CCDC171: variants seen among roughly 807,000 people sequenced by gnomAD.
CCDC171 encodes coiled-coil domain containing 171, also known as coiled-coil domain-containing protein 171.
Under a neutral mutation model 168.2 loss-of-function variants are expected in CCDC171, and 177 were observed. The ratio of observed to expected loss-of-function variants is 1.05; its 90% CI spans 0.93 to 1.19. The LOEUF (loss-of-function observed/expected upper bound fraction) is 1.19. Among genes scored for constraint, CCDC171 ranks in the 50% most tolerant of loss-of-function variants. The pLI, the probability that CCDC171 is intolerant of heterozygous loss-of-function variation, is 0.00. For synonymous variants in CCDC171, 687 were observed against 540.8 expected (o/e 1.27, Z -3.75); for missense variants, 1,991 against 1,539.0 (o/e 1.29, Z -4.91).
intron 25 of CCDC171, among the ~76,000 whole-genome samples, chr9:15,921,231 A>G (rs1414937271): frequency 1.3e-5 from 2 of 151,710 alleles, no homozygotes; most frequent in South Asian, 2.1e-4. Flanking sequence ...AAGAGTTAGC[A>G]TTAAAACAAA....
chr9:16,058,135 A>G (rs1279116509), intron 1 of CCDC171, among the ~76,000 whole-genome samples: 1 of 152,094 alleles, frequency 6.6e-6, no homozygotes, highest in Non-Finnish European at 1.5e-5. Context: ...TATCCAAAAA[A>G]ATGAAGAGTA....
intron 23 of CCDC171, among the ~76,000 whole-genome samples, chr9:15,869,372 T>TC (rs2061930333): frequency 1.3e-5 from 2 of 151,974 alleles, no homozygotes; most frequent in Non-Finnish European, 2.9e-5. Context: ...TGCTTCCTCC[T>TC]ATCACTGGGT....
At chr9:15,765,806 T>G (rs1241387905) in intron 18 of CCDC171, among the ~76,000 whole-genome samples, 1 of 152,146 alleles carries the variant, frequency 6.6e-6, no homozygotes, top group Non-Finnish European at 1.5e-5. Context: ...AGCAAGGAAC[T>G]TGAAAGTATA....
chr9:15,774,336 C>G (rs1298030240), intron 18 of CCDC171, among the ~76,000 whole-genome samples: 2 of 145,854 alleles, frequency 1.4e-5, no homozygotes, highest in African/African-American at 5.0e-5. Context: ...ATGCAAGTAG[C>G]CAATAAGCAG....
chr9:15,658,282 A>G (rs2048082701), intron 8 of CCDC171, among the ~76,000 whole-genome samples: 1 of 152,214 alleles, frequency 6.6e-6, no homozygotes. Flanking sequence ...AAAGCAATGG[A>G]AAGCCACTGC....
chr9:15,595,584 T>A (rs1185110578), intron 6 of CCDC171, among the ~76,000 whole-genome samples: 2 of 152,230 alleles, frequency 1.3e-5, no homozygotes, highest in East Asian at 3.8e-4. Flanking sequence ...GTCTTTGCTA[T>A]TGTGAATAGT....
chr9:15,950,754 A>C (rs537665966), intron 25 of CCDC171, among the ~76,000 whole-genome samples: 1 of 152,044 alleles, frequency 6.6e-6, no homozygotes, highest in Non-Finnish European at 1.5e-5. Flanking sequence ...TAATGACAGG[A>C]TCAAATTCAC....
rs551343856 is a variant in CCDC171, at chr9:15,649,872, G to A, written c.823-7255G>A. On this transcript the variant is annotated intron_variant, in intron 7 of 25. Transcript: ENST00000380701. ...CTCAAGGATCTAAAACTAGAAATAC[G>A]GTTTGAGCCAGCCATCCCATTACTG... Among the ~76,000 whole-genome samples the A allele has an allele frequency of 7.9e-5, 12 of 152,256 alleles. No homozygotes were observed. The South Asian group carries it at 1.7e-3, about 21-fold the overall frequency.
chr9:16,054,069 G>A (rs961258595), intron 1 of CCDC171, among the ~76,000 whole-genome samples: 5 of 152,090 alleles, frequency 3.3e-5, no homozygotes, highest in South Asian at 2.1e-4. Context: ...CTTTTCTTCC[G>A]GGTTCAGCGC....
At chr9:15,846,230 T>G (rs997307467) in intron 21 of CCDC171, among the ~76,000 whole-genome samples, 1 of 152,104 alleles carries the variant, frequency 6.6e-6, no homozygotes, top group African/African-American at 2.4e-5. Context: ...GTGGTACTCT[T>G]TCATCTTGGG....
chr9:15,600,199 G>C (rs1037103570), intron 6 of CCDC171, among the ~76,000 whole-genome samples: 1 of 152,222 alleles, frequency 6.6e-6, no homozygotes, highest in African/African-American at 2.4e-5. Flanking sequence ...TTCCTTTAGA[G>C]GGGGAGAGGC....
At chr9:15,610,455 A>C (rs1196056278) in intron 6 of CCDC171, among the ~76,000 whole-genome samples, 1 of 124,186 alleles carries the variant, frequency 8.1e-6, no homozygotes, top group African/African-American at 3.1e-5. Context: ...AAAAAAAAAA[A>C]AAAAAAAAAA....
Position 15,677,925 on chromosome 9 carries a change from T to TATATATAAA in CCDC171, c.1077-832_1077-831insTATATAAAA, listed in dbSNP as rs59883669. On this transcript the variant is annotated intron_variant, in intron 9 of 25. Transcript: ENST00000380701. ...ATATATATATATATATATATATATA[T>TATATATAAA]AAGAGATGTGGTCTCATTCTGTTAC... Among the ~76,000 whole-genome samples the TATATATAAA allele has an allele frequency of 1.1e-3, 46 of 41,858 alleles. 9 individuals are homozygous for TATATATAAA. The highest frequency in any genetic ancestry group is 4.2e-3 in the African/African-American group (42 of 9,948). The allele number at this position is 41,858 out of a possible 152,430, so 27.5% of individuals were successfully genotyped here.
chr9:15,793,055 C>T (rs1411969127), intron 21 of CCDC171, among the ~76,000 whole-genome samples: 2 of 152,184 alleles, frequency 1.3e-5, no homozygotes, highest in Non-Finnish European at 2.9e-5. Context: ...GAAGACCCAT[C>T]AGTGTGCTGT....
chr9:16,032,573 G>A (rs773417621), intron 6 of CCDC171, among the ~76,000 whole-genome samples: 5 of 152,160 alleles, frequency 3.3e-5, no homozygotes, highest in African/African-American at 9.7e-5. Flanking sequence ...AGTGGGGACC[G>A]AGACACATTG....
chr9:15,649,652 T>C (rs1462885248), intron 7 of CCDC171, among the ~76,000 whole-genome samples: 1 of 152,120 alleles, frequency 6.6e-6, no homozygotes, highest in Non-Finnish European at 1.5e-5. Flanking sequence ...GAAAAAATGC[T>C]CATCATCACT....
intron 9 of CCDC171, among the ~76,000 whole-genome samples, chr9:15,673,460 T>C (rs2049277846): frequency 1.3e-5 from 2 of 152,232 alleles, no homozygotes; most frequent in Non-Finnish European, 2.9e-5. Context: ...TTTTTGCCCA[T>C]TCAGTATGAT....
chr9:16,036,667 C>A (rs963256289), intron 8 of CCDC171, among the ~76,000 whole-genome samples: 3 of 152,148 alleles, frequency 2.0e-5, no homozygotes, highest in African/African-American at 7.2e-5. Flanking sequence ...AAGCAAAAAA[C>A]AAATTTACCT....
chr9:15,972,306 C>A lies in CCDC171; in HGVS notation c.*470C>A, dbSNP rs1831433199. 2 of 159,738 alleles carry A rather than the reference C, an allele frequency of 1.3e-5. No homozygotes were observed. The highest frequency in any genetic ancestry group is 4.8e-5 in the African/African-American group (2 of 41,516). The allele number at this position is 159,738 out of a possible 1,614,324, so 9.9% of individuals were successfully genotyped here. ...CCCCTCTTCTCTCTTGTCAGCTCAA[C>A]TGAAGACAAGCATTTAGTTGCAAAC... On this transcript the variant is annotated 3_prime_UTR_variant, in exon 26 of 26. Transcript: ENST00000380701.
Sources: allele counts gnomAD v4.1 joint callset (sites outside exome capture counted in the v4.1 genomes callset), GRCh38; gene constraint gnomAD v4.1.1; transcripts MANE v1.5; gene names NCBI Gene and HGNC (gene_info 2026-07-23, HGNC 2026-07-21).